LYPLAL1: variants seen among roughly 807,000 people sequenced by gnomAD.
LYPLAL1 encodes the protein lysophospholipase-like protein 1.
In LYPLAL1, 23 loss-of-function variants were observed where a neutral mutation model predicts 19.7. The observed-to-expected ratio is 1.17, with a 90% CI of 0.84 to 1.65. The LOEUF is 1.65. Ranked by LOEUF, LYPLAL1 falls within the 40% of genes most tolerant of loss-of-function variation. The probability of loss-of-function intolerance (pLI) is 0.00; values close to 1 mark genes in which losing one functional copy is unlikely to be tolerated. For missense variants in LYPLAL1, 355 were observed against 279.4 expected (o/e 1.27, Z -1.93); for synonymous variants, 119 against 96.3 (o/e 1.24, Z -1.38).
chr1:219,294,443 G>A, the LYPLAL1 span, among the ~76,000 whole-genome samples: 2 of 152,152 alleles, frequency 1.3e-5, no homozygotes, highest in Non-Finnish European at 2.9e-5. Context: ...CAAGACAGAA[G>A]CTCCCAACTG....
At chr1:219,314,721 T>C in the LYPLAL1 span, among the ~76,000 whole-genome samples, 2 of 152,224 alleles carry the variant, frequency 1.3e-5, no homozygotes, top group African/African-American at 4.8e-5. Context: ...CATGAGCCAC[T>C]GCGCCTGGCT....
At chr1:219,207,484 A>C (rs577318749) in intron 3 of LYPLAL1, among the ~76,000 whole-genome samples, 2 of 152,012 alleles carry the variant, frequency 1.3e-5, no homozygotes, top group African/African-American at 2.4e-5. Flanking sequence ...TTTTATATCA[A>C]ATTAAATCAC....
At chr1:219,293,101 C>T in the LYPLAL1 span, among the ~76,000 whole-genome samples, 7 of 152,118 alleles carry the variant, frequency 4.6e-5, no homozygotes, top group Non-Finnish European at 7.4e-5. Context: ...CTTTCAAAGA[C>T]TACAAAATCA....
the LYPLAL1 span, chr1:219,272,078 C>T: frequency 6.6e-6 from 1 of 152,228 alleles, no homozygotes; most frequent in African/African-American, 2.4e-5. Flanking sequence ...TCAGGGAGAT[C>T]CTGGAAACGA....
the LYPLAL1 span, among the ~76,000 whole-genome samples, chr1:219,372,144 A>G: frequency 6.6e-6 from 1 of 152,190 alleles, no homozygotes; most frequent in Admixed American, 6.5e-5. Context: ...ATAAAATCTG[A>G]AAACACAATT....
the LYPLAL1 span, among the ~76,000 whole-genome samples, chr1:219,367,487 T>C: frequency 6.6e-6 from 1 of 152,134 alleles, no homozygotes; most frequent in African/African-American, 2.4e-5. Flanking sequence ...TCAAAGAGCA[T>C]AAAATTAACC....
the LYPLAL1 span, among the ~76,000 whole-genome samples, chr1:219,241,032 G>A: frequency 6.8e-6 from 1 of 147,312 alleles, no homozygotes. Context: ...CTGCACTCCA[G>A]CCTATCTCAA....
chr1:219,178,651 A>AT (rs36048221), intron 1 of LYPLAL1, among the ~76,000 whole-genome samples: 1 of 152,058 alleles, frequency 6.6e-6, no homozygotes, highest in South Asian at 2.1e-4. Flanking sequence ...TTAAATTATG[A>AT]TTTTTTCAAG....
chr1:219,248,701 G>A, the LYPLAL1 span, among the ~76,000 whole-genome samples: 4 of 152,010 alleles, frequency 2.6e-5, no homozygotes, highest in Non-Finnish European at 5.9e-5. Context: ...CTATTTTGTG[G>A]TTGCTTCAGG....
chr1:219,229,688 GAC>G, the LYPLAL1 span, among the ~76,000 whole-genome samples: 3 of 152,218 alleles, frequency 2.0e-5, no homozygotes, highest in Non-Finnish European at 4.4e-5. Flanking sequence ...TTCACCGCTA[GAC>G]ACTGCTGTGG....
At chr1:219,189,260 C>G (rs1278969163) in intron 2 of LYPLAL1, among the ~76,000 whole-genome samples, 1 of 151,524 alleles carries the variant, frequency 6.6e-6, no homozygotes, top group African/African-American at 2.4e-5. Flanking sequence ...ACAGAAATAG[C>G]AGAGTAAAAT....
At chr1:219,207,907 C>T (rs938384781) in intron 3 of LYPLAL1, among the ~76,000 whole-genome samples, 2 of 152,020 alleles carry the variant, frequency 1.3e-5, no homozygotes, top group South Asian at 2.1e-4. Flanking sequence ...CAGTTGCACA[C>T]GTAATTACTG....
chr1:219,276,630 T>C, the LYPLAL1 span, among the ~76,000 whole-genome samples: 3 of 152,182 alleles, frequency 2.0e-5, no homozygotes, highest in Admixed American at 6.5e-5. Flanking sequence ...AATGTAATGA[T>C]ACAGTCTTTT....
At chr1:219,367,810 T>C in the LYPLAL1 span, among the ~76,000 whole-genome samples, 1 of 152,184 alleles carries the variant, frequency 6.6e-6, no homozygotes, top group Admixed American at 6.5e-5. Context: ...CCAGTTCTTT[T>C]TGTGATCCTG....
At chr1:219,307,848 A>G in the LYPLAL1 span, among the ~76,000 whole-genome samples, 1 of 152,170 alleles carries the variant, frequency 6.6e-6, no homozygotes, top group African/African-American at 2.4e-5. Context: ...GCCGCCATGT[A>G]AGAAGTGCCT....
downstream of LYPLAL1, among the ~76,000 whole-genome samples, chr1:219,216,466 G>T (rs1659293518): frequency 6.6e-6 from 1 of 152,008 alleles, no homozygotes; most frequent in Non-Finnish European, 1.5e-5. Flanking sequence ...GCAGAGCAGT[G>T]TTTAGTTCAG....
At chr1:219,311,344 G>T in the LYPLAL1 span, among the ~76,000 whole-genome samples, 1 of 152,166 alleles carries the variant, frequency 6.6e-6, no homozygotes, top group Non-Finnish European at 1.5e-5. Context: ...GTAATCTACA[G>T]ATTCCTGATT....
At chr1:219,344,633 C>T in the LYPLAL1 span, among the ~76,000 whole-genome samples, 6 of 152,196 alleles carry the variant, frequency 3.9e-5, no homozygotes, top group Non-Finnish European at 5.9e-5. Flanking sequence ...ACCCTAACCG[C>T]TCCAGCTCTA....
chr1:219,273,365 A>G, the LYPLAL1 span: 1 of 152,240 alleles, frequency 6.6e-6, no homozygotes, highest in Non-Finnish European at 1.5e-5. Context: ...GACTTTCTCA[A>G]TAAACTTCAT....
Sources: gnomAD v4.1 joint callset for allele counts (sites outside exome capture counted in the v4.1 genomes callset) on GRCh38, gnomAD v4.1.1 for gene constraint, MANE v1.5 for transcripts, NCBI Gene and HGNC (gene_info 2026-07-23, HGNC 2026-07-21) for gene names.